DTL: variants seen among roughly 807,000 people sequenced by gnomAD.
DTL encodes the protein denticleless E3 ubiquitin protein ligase adapter.
In DTL, 46 loss-of-function variants were observed where a neutral mutation model predicts 87.0. That is an observed-to-expected ratio of 0.53 (90% confidence interval 0.42 to 0.68). The LOEUF (loss-of-function observed/expected upper bound fraction) is 0.68. Among genes scored for constraint, DTL ranks in the 30% least tolerant of loss-of-function variants. The pLI is 0.00. For synonymous variants in DTL, 308 were observed against 311.2 expected, an observed-to-expected ratio of 0.99 and a Z score of 0.11; for missense variants, 737 against 869.4, an observed-to-expected ratio of 0.85 and a Z score of 1.91.
rs149272030 is a variant in DTL at position 212,075,057 on chromosome 1, T to A, written c.1035+2844T>A. 2.8e-3 allele frequency among the ~76,000 whole-genome samples: 421 copies of A among 152,314 alleles called. 2 individuals are homozygous for A. Among genetic ancestry groups the A allele is most frequent in the African/African-American group, 9.7e-3 (405 of 41,576 alleles). ...TCGAAGTGGTTATAAATAAACTGAT[T>A]TGGCATAGTCATTCTACCACTGACT... is the stretch of plus-strand genomic sequence containing the variant. On this transcript the variant is annotated intron_variant, in intron 11 of 14. Coordinates refer to ENST00000366991, the MANE Select transcript of DTL (RefSeq NM_016448.4).
rs1365224537 is a variant in DTL, at chr1:212,072,190, GA to G, written c.1013del (p.Asp338ValfsTer48). 1.2e-6 allele frequency: 2 copies of G among 1,613,730 alleles called. No homozygotes were observed. Among genetic ancestry groups the G allele is most frequent in the Non-Finnish European group, 1.7e-6 (2 of 1,179,780 alleles). On this transcript the variant is annotated frameshift_variant, in exon 11 of 15. Transcript: ENST00000366991. LOFTEE classifies it high-confidence loss of function. The stretch of plus-strand genomic sequence containing the variant: ...CCAGTTTTTAGTCAGTGGCTCAAGT[GA>G]TGAAGCTGCCTACATATGGAAGGTA... ...DDQFLVSGSS[D>X]EAAYIWKVST... is the part of the protein sequence containing the mutation.
At chr1:212,095,362 G>A (rs1655414903) in intron 13 of DTL, among the ~76,000 whole-genome samples, 2 of 152,148 alleles carry the variant, frequency 1.3e-5, no homozygotes, top group South Asian at 2.1e-4. Flanking sequence ...ATGTGTTTTC[G>A]TTTGTTTTTC....
intron 11 of DTL, among the ~76,000 whole-genome samples, chr1:212,075,845 A>G (rs1185483550): frequency 1.3e-5 from 2 of 152,092 alleles, no homozygotes; most frequent in African/African-American, 2.4e-5. Context: ...CACACCAGAA[A>G]AAAACCCGTG....
At position 212,103,306 on chromosome 1, in the gene DTL, A is replaced by G. The variant is rs1655677375; in HGVS notation, c.*366A>G. 6.5e-6 allele frequency: 1 copy of G among 154,730 alleles called. No homozygotes were observed. The highest frequency in any genetic ancestry group is 2.4e-5 in the African/African-American group (1 of 41,490). The allele number at this position is 154,730 out of a possible 1,614,324, so 9.6% of individuals were successfully genotyped here. A position where few individuals can be genotyped will look rare whatever the true frequency, so the allele number is the denominator to read the frequency against. On this transcript the variant is annotated 3_prime_UTR_variant, in exon 15 of 15. Coordinates refer to ENST00000366991, the MANE Select transcript of DTL (RefSeq NM_016448.4). ...TGTTATCCTGAAACTTTCTATGCTCAGTGGAAAGTATCTGCCAGCCACAGC... is the reference window on the plus strand; with the variant it reads ...TGTTATCCTGAAACTTTCTATGCTCGGTGGAAAGTATCTGCCAGCCACAGC...
intron 2 of DTL, 73 bp downstream of exon 2, chr1:212,043,191 G>A (rs1235485409): frequency 5.0e-6 from 7 of 1,409,884 alleles, no homozygotes; most frequent in Non-Finnish European, 6.7e-6. Flanking sequence ...AAATATACTA[G>A]AGTATTTCCC....
chr1:212,065,478 G>C lies in DTL; in HGVS notation c.639+449G>C, dbSNP rs528564480. ...AGATAGCCATCACTTCAAATACTGTGTGCATCAGAGTTGCCTGAGGCACAT... is the reference window on the plus strand; with the variant it reads ...AGATAGCCATCACTTCAAATACTGTCTGCATCAGAGTTGCCTGAGGCACAT... On this transcript the variant is annotated intron_variant, in intron 7 of 14. Coordinates refer to ENST00000366991, the MANE Select transcript of DTL (RefSeq NM_016448.4). 2.6e-5 allele frequency among the ~76,000 whole-genome samples: 4 copies of C among 151,972 alleles called. No homozygotes were observed. The East Asian group carries it at 7.7e-4, about 29-fold the overall frequency.
chr1:212,084,325 A>G (rs1463702106), intron 13 of DTL, among the ~76,000 whole-genome samples: 2 of 151,830 alleles, frequency 1.3e-5, no homozygotes. Context: ...AGCTGGAATT[A>G]CAGGCGTGTG....
intron 13 of DTL, among the ~76,000 whole-genome samples, chr1:212,092,417 C>A (rs1655311567): frequency 6.6e-6 from 1 of 152,034 alleles, no homozygotes. Flanking sequence ...GTAGTCCCAG[C>A]TACTTGGGAG....
intron 13 of DTL, among the ~76,000 whole-genome samples, chr1:212,083,239 T>TC (rs1210888022): frequency 6.6e-6 from 1 of 151,928 alleles, no homozygotes; most frequent in Non-Finnish European, 1.5e-5. Context: ...GCAGAGAAAC[T>TC]CCCCCTTATA....
At position 212,043,105 on chromosome 1, in the gene DTL, T is replaced by C. The variant is rs774788209; in HGVS notation, c.165T>C (p.Cys55=). The part of the protein sequence containing the change: ...ETGVPVPPFG[C]TFSSAPNMEH... ...GAGTCCCAGTTCCTCCTTTTGGATG[T>C]ACCTTCTCTTCTGGTAAGAGAATTA... Residue 55 remains cysteine (C), a synonymous_variant, in exon 2 of 15, where the codon TGT becomes TGC. Coordinates refer to ENST00000366991, the MANE Select transcript of DTL (RefSeq NM_016448.4). 1.1e-5 allele frequency: 17 copies of C among 1,612,288 alleles called. No individual in the cohort carries two copies. In the South Asian group the frequency reaches 1.9e-4, roughly 18 times the overall value.
chr1:212,043,876 T>G (rs1415136314), intron 2 of DTL, among the ~76,000 whole-genome samples: 1 of 148,368 alleles, frequency 6.7e-6, no homozygotes, highest in Admixed American at 6.7e-5. Flanking sequence ...CCACCCATAA[T>G]AGTTTGAGAG....
chr1:212,041,591 C>T (rs1049072794), intron 1 of DTL, among the ~76,000 whole-genome samples: 3 of 151,990 alleles, frequency 2.0e-5, no homozygotes, highest in Non-Finnish European at 2.9e-5. Context: ...CGGCACGCTC[C>T]GCCTCCCAGG....
intron 7 of DTL, among the ~76,000 whole-genome samples, chr1:212,066,554 GT>G (rs1654505986): frequency 6.6e-6 from 1 of 152,354 alleles, no homozygotes; most frequent in South Asian, 2.1e-4. Flanking sequence ...AGTAGATGCA[GT>G]AGGCTCAGAC....
At chr1:212,039,341 CTTAG>C (rs972290466) in intron 1 of DTL, among the ~76,000 whole-genome samples, 1 of 152,092 alleles carries the variant, frequency 6.6e-6, no homozygotes, top group Non-Finnish European at 1.5e-5. Flanking sequence ...TTAATTATCT[CTTAG>C]TTAAGGTTCC....
At chr1:212,057,943 A>G (rs1407488509) in intron 5 of DTL, among the ~76,000 whole-genome samples, 3 of 152,204 alleles carry the variant, frequency 2.0e-5, no homozygotes, top group Non-Finnish European at 4.4e-5. Flanking sequence ...CTTACATCAG[A>G]TAAAACAGAC....
intron 12 of DTL, 129 bp from the exon 13 acceptor site, chr1:212,080,486 T>C: frequency 1.2e-6 from 1 of 813,682 alleles, no homozygotes; most frequent in Non-Finnish European, 1.9e-6. Context: ...TTTAAGATAT[T>C]ATTTTCTATA....
At chr1:212,061,335 C>T (rs1309700775) in intron 5 of DTL, among the ~76,000 whole-genome samples, 1 of 151,980 alleles carries the variant, frequency 6.6e-6, no homozygotes, top group Non-Finnish European at 1.5e-5. Flanking sequence ...TGAAAAACTG[C>T]TCAACATGAC....
intron 5 of DTL, among the ~76,000 whole-genome samples, chr1:212,057,425 G>T (rs1394831427): frequency 6.7e-6 from 1 of 149,558 alleles, no homozygotes; most frequent in Non-Finnish European, 1.5e-5. Flanking sequence ...ATAAATAAAA[G>T]AGAAATAAAG....
intron 1 of DTL, among the ~76,000 whole-genome samples, chr1:212,042,740 T>C (rs1667691554): frequency 6.6e-6 from 1 of 152,220 alleles, no homozygotes; most frequent in African/African-American, 2.4e-5. Flanking sequence ...AATCTCAATG[T>C]ACTAGTGAGA....
Sources: gnomAD v4.1 joint callset for allele counts (sites outside exome capture counted in the v4.1 genomes callset) on GRCh38, gnomAD v4.1.1 for gene constraint, MANE v1.5 for transcripts, NCBI Gene and HGNC (gene_info 2026-07-23, HGNC 2026-07-21) for gene names.